Variants in TRAPPC11 observed in about 807,000 individuals in gnomAD.
The protein encoded by TRAPPC11 is foie gras homolog.
TRAPPC11 carries 104 observed loss-of-function variants against 151.2 expected under a neutral mutation model. That is an observed-to-expected ratio of 0.69 (90% CI 0.59 to 0.81). TRAPPC11 has a LOEUF of 0.81. TRAPPC11 is among the 30% of genes least tolerant of loss of function. TRAPPC11 has a pLI of 0.00. For missense variants in TRAPPC11, 1,230 were observed against 1,349.6 expected, an observed-to-expected ratio of 0.91 and a Z score of 1.39; for synonymous variants, 456 against 472.3, an observed-to-expected ratio of 0.97 and a Z score of 0.45.
At chr4:183,687,485 C>G (rs1462350704) in intron 18 of TRAPPC11, among the ~76,000 whole-genome samples, 1 of 151,972 alleles carries the variant, frequency 6.6e-6, no homozygotes, top group Non-Finnish European at 1.5e-5. Flanking sequence ...CCTGCCACCA[C>G]GTCTGGCTAA....
chr4:183,683,883 TAA>T, intron 11 of TRAPPC11, 90 bp from the exon 12 acceptor site: 1 of 985,542 alleles, frequency 1.0e-6, no homozygotes, highest in East Asian at 2.5e-5. Context: ...TTATATTAAA[TAA>T]AGGTTTCAAG....
In TRAPPC11 at chr4:183,694,138, T is replaced by C. The variant is rs184511889; in HGVS notation, c.2508+100T>C. The C allele has an allele frequency of 1.8e-4, 232 of 1,276,740 alleles. No individual in the cohort carries two copies. In the East Asian group the frequency reaches 5.3e-3, roughly 29 times the overall value. The allele number at this position is 1,276,740 out of a possible 1,614,324, so 79.1% of individuals were successfully genotyped here. Reference sequence around the variant, plus strand: ...GTTCAGAGCGTTTTAACGCATATTCTAGGACTGAAAAAGTGATTTAACTAA... The same window carrying C: ...GTTCAGAGCGTTTTAACGCATATTCCAGGACTGAAAAAGTGATTTAACTAA... On this transcript the variant is annotated intron_variant, in intron 22 of 29. Coordinates refer to ENST00000334690, the MANE Select transcript of TRAPPC11 (RefSeq NM_021942.6).
chr4:183,668,787 A>T lies in TRAPPC11; in HGVS notation c.560+670A>T, dbSNP rs185715515. ...TGGTCATTATTCATTGTTTTGTAGC[A>T]TTTATTGTCACACAGAAGTTTTGTA... On this transcript the variant is annotated intron_variant, in intron 5 of 29. Coordinates refer to ENST00000334690, the MANE Select transcript of TRAPPC11 (RefSeq NM_021942.6). 2.1e-3 allele frequency among the ~76,000 whole-genome samples: 318 copies of T among 152,342 alleles called. 2 individuals are homozygous for T. Among genetic ancestry groups the T allele is most frequent in the African/African-American group, 7.3e-3 (302 of 41,586 alleles).
chr4:183,668,037 T>C lies in TRAPPC11; in HGVS notation c.480T>C (p.Ala160=), dbSNP rs1163240393. ...EDVIASERAA[A]LCNACELSGK... ...TCATTGCTTCAGAAAGGGCTGCAGC[T>C]TTATGCAATGCATGTGAACTCTCAG... The change falls in exon 5 of 30, where the codon GCT becomes GCC. Residue 160 remains alanine (A), a synonymous_variant. Transcript: ENST00000334690. 1.2e-6 allele frequency: 2 copies of C among 1,613,582 alleles called. No individual in the cohort carries two copies. The highest frequency in any genetic ancestry group is 2.2e-5 in the South Asian group (2 of 91,076).
At chr4:183,695,919 A>G (rs879678871) in intron 23 of TRAPPC11, among the ~76,000 whole-genome samples, 1 of 152,178 alleles carries the variant, frequency 6.6e-6, no homozygotes, top group Non-Finnish European at 1.5e-5. Context: ...AGCACATTAT[A>G]TGTATTATCT....
chr4:183,678,748 G>C (rs1038278314), intron 8 of TRAPPC11, among the ~76,000 whole-genome samples: 1 of 152,198 alleles, frequency 6.6e-6, no homozygotes, highest in Admixed American at 6.5e-5. Context: ...ATGGATGAGA[G>C]ACTGACTTTT....
At chr4:183,662,411 T>TATTAAAAA (rs1734603753) in intron 1 of TRAPPC11, among the ~76,000 whole-genome samples, 1 of 151,320 alleles carries the variant, frequency 6.6e-6, no homozygotes, top group Non-Finnish European at 1.5e-5. Flanking sequence ...AGTAAGATTA[T>TATTAAAAA]ATTAAAAATA....
chr4:183,679,950 C>T (rs1288908239), intron 9 of TRAPPC11, among the ~76,000 whole-genome samples, 170 bp from the exon 10 acceptor site: 2 of 152,120 alleles, frequency 1.3e-5, no homozygotes, highest in Non-Finnish European at 2.9e-5. Flanking sequence ...CTGTAACCTA[C>T]AGTTAGTGTG....
At chr4:183,670,824 C>T (rs1039088101) in intron 5 of TRAPPC11, among the ~76,000 whole-genome samples, 6 of 152,042 alleles carry the variant, frequency 3.9e-5, no homozygotes, top group East Asian at 3.9e-4. Context: ...CTCACTCTGT[C>T]GCCCAGGCTG....
chr4:183,687,586 C>T (rs893719546), intron 18 of TRAPPC11, among the ~76,000 whole-genome samples: 1 of 152,062 alleles, frequency 6.6e-6, no homozygotes, highest in African/African-American at 2.4e-5. Flanking sequence ...ACCTCAGCCT[C>T]CCAAAGTGCT....
intron 29 of TRAPPC11, 147 bp from the exon 30 acceptor site, chr4:183,712,453 C>T: frequency 1.2e-6 from 1 of 806,410 alleles, no homozygotes; most frequent in Non-Finnish European, 2.0e-6. Flanking sequence ...GGAGAATCAC[C>T]ATATCACCAT....
Position 183,666,349 on chromosome 4 carries a change from G to A in TRAPPC11, c.297G>A (p.Val99=), listed in dbSNP as rs756264295. 5.4e-5 allele frequency: 87 copies of A among 1,614,036 alleles called. No homozygotes were observed. The highest frequency in any genetic ancestry group is 7.0e-5 in the Non-Finnish European group (83 of 1,179,998). The change falls in exon 3 of 30, where the codon GTG becomes GTA. Residue 99 remains valine (V), a synonymous_variant. Transcript: ENST00000334690. The part of the protein sequence containing the change: ...HLNLVPALVV[V]FYELDWDEPQ... The stretch of plus-strand genomic sequence containing the variant: ...ATCTGGTGCCAGCCCTGGTGGTTGT[G>A]TTCTATGAACTGGACTGGGATGAGC...
intron 11 of TRAPPC11, 58 bp downstream of exon 11, chr4:183,682,883 A>G: frequency 8.6e-7 from 1 of 1,166,436 alleles, no homozygotes; most frequent in Admixed American, 1.8e-5. Context: ...CAATAGCTAT[A>G]ATAGATTTTC....
chr4:183,692,977 TG>T lies in TRAPPC11; in HGVS notation c.2068del (p.Ala690LeufsTer12), dbSNP rs774804845. The T allele has an allele frequency of 1.2e-6, 2 of 1,610,870 alleles. No homozygotes were observed. The highest frequency in any genetic ancestry group is 1.7e-5 in the Admixed American group (1 of 59,500). On this transcript the variant is annotated frameshift_variant, in exon 20 of 30. Transcript: ENST00000334690. LOFTEE classifies it high-confidence loss of function. ...KKIEITSVDL[A>X]LGNETGRCVV... is the part of the protein sequence containing the mutation. ...CTTTTTAGATTACTTCAGTGGATCT[TG>T]CTCTGGGCAATGAGACGGGAAGATG...
chr4:183,680,586 C>T (rs981033947), intron 10 of TRAPPC11, among the ~76,000 whole-genome samples: 3 of 151,586 alleles, frequency 2.0e-5, no homozygotes, highest in Non-Finnish European at 4.4e-5. Context: ...TTTCTATGAT[C>T]ACTGCTGTAA....
chr4:183,675,269 AT>A, intron 7 of TRAPPC11, 32 bp downstream of exon 7: 1 of 1,333,038 alleles, frequency 7.5e-7, no homozygotes, highest in Non-Finnish European at 1.0e-6. Flanking sequence ...AATGTTTCCT[AT>A]TTTTATATTA....
chr4:183,686,660 A>C lies in TRAPPC11; in HGVS notation c.1805A>C (p.Asp602Ala), dbSNP rs1735986203. The change falls in exon 18 of 30, where the codon GAT (aspartate) becomes GCT (alanine). Residue 602 changes from aspartate to alanine, a missense_variant. Asp to Ala is a moderately radical substitution (Grantham distance 126, BLOSUM62 -2). Coordinates refer to ENST00000334690, the MANE Select transcript of TRAPPC11 (RefSeq NM_021942.6). ...TTTCATGCCCCAAGTTTTCATGTTG[A>C]TGTTCCTGTTCAGTTTGATATTTAT... ...AKFHAPSFHV[D>A]VPVQFDIYLK... is the part of the protein sequence containing the mutation. The C allele has an allele frequency of 6.2e-7, 1 of 1,614,006 alleles. No individual in the cohort carries two copies. Among genetic ancestry groups the C allele is most frequent in the Non-Finnish European group, 8.5e-7 (1 of 1,179,978 alleles).
intron 8 of TRAPPC11, among the ~76,000 whole-genome samples, chr4:183,678,988 A>G (rs1735545054): frequency 6.6e-6 from 1 of 152,204 alleles, no homozygotes; most frequent in Non-Finnish European, 1.5e-5. Flanking sequence ...GCTTTATGAC[A>G]AGTCTAAAAC....
At chr4:183,681,787 A>AAT (rs1735713067) in intron 10 of TRAPPC11, among the ~76,000 whole-genome samples, 2 of 151,536 alleles carry the variant, frequency 1.3e-5, no homozygotes, top group Non-Finnish European at 2.9e-5. Context: ...AGAAAAAAAA[A>AAT]GTAAAATAAA....
Sources: gnomAD v4.1 joint callset for allele counts (sites outside exome capture counted in the v4.1 genomes callset) on GRCh38, gnomAD v4.1.1 for gene constraint, MANE v1.5 for transcripts, NCBI Gene and HGNC (gene_info 2026-07-23, HGNC 2026-07-21) for gene names.